Variants in ZNF583 observed in about 807,000 individuals in gnomAD.
ZNF583 encodes zinc finger protein 583.
Under a neutral mutation model 55.3 loss-of-function variants are expected in ZNF583, and 30 were observed. The ratio of observed to expected loss-of-function variants is 0.54; its 90% CI spans 0.41 to 0.74. The LOEUF is 0.74. ZNF583 is among the 30% of genes least tolerant of loss of function. The pLI, the probability that ZNF583 is intolerant of heterozygous loss-of-function variation, is 0.00. For missense variants in ZNF583, 504 were observed against 664.7 expected (o/e 0.76, Z 2.66); for synonymous variants, 208 against 220.0 (o/e 0.95, Z 0.48).
chr19:56,414,646 C>G, intron 4 of ZNF583: 1 of 513,566 alleles, frequency 1.9e-6, no homozygotes, highest in Non-Finnish European at 3.4e-6. Flanking sequence ...TCTTCTCTGA[C>G]AGTAATCTTC....
In ZNF583 at chr19:56,423,320, T is replaced by G; in HGVS notation, c.662T>G (p.Phe221Cys). ...LLKCNDCEKVFNQSSSLTLHQ... is the reference protein window; with the variant it reads ...LLKCNDCEKVCNQSSSLTLHQ... ...AAATGTAATGATTGTGAGAAAGTCT[T>G]CAACCAGAGCTCATCCCTTACTCTT... The change falls in exon 5 of 5, where the codon TTC becomes TGC. Residue 221 changes from phenylalanine to cysteine, a missense_variant. Coordinates refer to ENST00000333201, the MANE Select transcript of ZNF583 (RefSeq NM_152478.3). 1 of 1,612,292 alleles carries G rather than the reference T, an allele frequency of 6.2e-7. No homozygotes were observed. The highest frequency in any genetic ancestry group is 8.5e-7 in the Non-Finnish European group (1 of 1,179,536).
chr19:56,422,004 A>G (rs776842825), intron 4 of ZNF583, among the ~76,000 whole-genome samples: 5 of 152,158 alleles, frequency 3.3e-5, no homozygotes, highest in Non-Finnish European at 5.9e-5. Context: ...ATATCTGTGG[A>G]AAGTGCTTTT....
In ZNF583 at chr19:56,422,941, T is replaced by C. The variant is rs1568815196; in HGVS notation, c.283T>C (p.Tyr95His). 1.2e-6 allele frequency: 2 copies of C among 1,613,174 alleles called. No homozygotes were observed. Among genetic ancestry groups the C allele is most frequent in the South Asian group, 1.1e-5 (1 of 90,884 alleles). Residue 95 changes from tyrosine to histidine, a missense_variant, in exon 5 of 5, where the codon TAT becomes CAT. Tyr to His is a moderately conservative substitution (Grantham distance 83). This residue lies in a region of ZNF583 where 204 missense variants were observed against 235.2 expected (regional missense o/e 0.87). Coordinates refer to ENST00000333201, the MANE Select transcript of ZNF583 (RefSeq NM_152478.3). Reference protein sequence around the residue: ...NSEFSSKQETYEESSKVVTVG... With the variant: ...NSEFSSKQETHEESSKVVTVG... ...TGAATTTTCATCAAAGCAAGAGACATATGAAGAATCATCCAAAGTTGTGAC... is the reference window on the plus strand; with the variant it reads ...TGAATTTTCATCAAAGCAAGAGACACATGAAGAATCATCCAAAGTTGTGAC...
intron 2 of ZNF583, among the ~76,000 whole-genome samples, chr19:56,413,447 G>T (rs2042268730): frequency 6.6e-6 from 1 of 152,136 alleles, no homozygotes; most frequent in South Asian, 2.1e-4. Flanking sequence ...GTCAATATAA[G>T]CATCAAACAT....
chr19:56,417,039 A>T (rs908854372), intron 4 of ZNF583, among the ~76,000 whole-genome samples: 2 of 152,132 alleles, frequency 1.3e-5, no homozygotes, highest in African/African-American at 4.8e-5. Context: ...ATCATCTTGA[A>T]ATTTATCTGT....
rs113724960 is a variant in ZNF583 at position 56,407,391 on chromosome 19, A to T, written c.9+268A>T. Reference sequence around the variant, plus strand: ...AGAAGCTTTCAAGATGCAAAAATACACTCATTGGCATATGTAAACCTTCAT... The same window carrying T: ...AGAAGCTTTCAAGATGCAAAAATACTCTCATTGGCATATGTAAACCTTCAT... On this transcript the variant is annotated intron_variant, in intron 2 of 4. Coordinates refer to ENST00000333201, the MANE Select transcript of ZNF583 (RefSeq NM_152478.3). 4.3e-3 allele frequency among the ~76,000 whole-genome samples: 652 copies of T among 152,318 alleles called. 5 individuals carry two copies. Among genetic ancestry groups the T allele is most frequent in the African/African-American group, 0.015 (626 of 41,562 alleles).
chr19:56,415,730 AT>A (rs2042311277), intron 4 of ZNF583, among the ~76,000 whole-genome samples: 1 of 151,812 alleles, frequency 6.6e-6, no homozygotes, highest in African/African-American at 2.4e-5. Context: ...CGCCCAGCTA[AT>A]TTTTCTGTAT....
intron 4 of ZNF583, among the ~76,000 whole-genome samples, chr19:56,416,325 A>C (rs920342841): frequency 2.2e-4 from 27 of 121,686 alleles, no homozygotes; most frequent in Admixed American, 2.1e-3. Context: ...ACTCCGTCTC[A>C]AAAAAAAAAA....
At chr19:56,417,042 T>G (rs2042337021) in intron 4 of ZNF583, among the ~76,000 whole-genome samples, 1 of 152,208 alleles carries the variant, frequency 6.6e-6, no homozygotes, top group South Asian at 2.1e-4. Context: ...ATCTTGAAAT[T>G]TATCTGTATT....
chr19:56,408,827 A>G (rs1158639123), intron 2 of ZNF583, among the ~76,000 whole-genome samples: 2 of 152,172 alleles, frequency 1.3e-5, no homozygotes. Context: ...TGTCCTAACC[A>G]TGGCCTATAA....
chr19:56,409,683 A>G (rs1424638356), intron 2 of ZNF583, among the ~76,000 whole-genome samples: 1 of 152,206 alleles, frequency 6.6e-6, no homozygotes. Flanking sequence ...TTATATTTAA[A>G]GTATGCCTCT....
At position 56,406,592 on chromosome 19, in the gene ZNF583, G is replaced by A. The variant is rs577586021; in HGVS notation, c.-89-434G>A. 8.8e-5 allele frequency among the ~76,000 whole-genome samples: 13 copies of A among 148,150 alleles called. No individual in the cohort carries two copies. In the South Asian group the frequency reaches 2.8e-3, roughly 32 times the overall value. ...CTGTGGCCCAGACTGGAGTGTGGTG[G>A]CGCGATCTTGGCTCACTGCAAGCTC... On this transcript the variant is annotated intron_variant, in intron 1 of 4. Coordinates refer to ENST00000333201, the MANE Select transcript of ZNF583 (RefSeq NM_152478.3).
At chr19:56,420,219 T>G (rs1250864737) in intron 4 of ZNF583, among the ~76,000 whole-genome samples, 1 of 152,188 alleles carries the variant, frequency 6.6e-6, no homozygotes, top group Non-Finnish European at 1.5e-5. Flanking sequence ...TTCTCAGATG[T>G]TTGGAGTTGA....
chr19:56,421,396 C>A, intron 4 of ZNF583: 1 of 896,104 alleles, frequency 1.1e-6, no homozygotes, highest in Non-Finnish European at 1.3e-6. Flanking sequence ...ACCCATCAGT[C>A]TTCAGAATTT....
In ZNF583 at chr19:56,423,920, C is replaced by T. The variant is rs1378834841; in HGVS notation, c.1262C>T (p.Ala421Val). ...KVCRKAFSQI[A>V]YLDQHQRVHT... ...TGTAGGAAAGCCTTCAGCCAAATTGCATACCTTGATCAACATCAGAGGGTT... is the reference window on the plus strand; with the variant it reads ...TGTAGGAAAGCCTTCAGCCAAATTGTATACCTTGATCAACATCAGAGGGTT... Residue 421 changes from alanine (A) to valine (V), a missense_variant, in exon 5 of 5, where the codon GCA becomes GTA. Coordinates refer to ENST00000333201, the MANE Select transcript of ZNF583 (RefSeq NM_152478.3). The T allele has an allele frequency of 6.2e-7, 1 of 1,613,862 alleles. No individual in the cohort carries two copies. The highest frequency in any genetic ancestry group is 1.3e-5 in the African/African-American group (1 of 74,902).
At chr19:56,419,345 G>A (rs1041325580) in intron 4 of ZNF583, among the ~76,000 whole-genome samples, 9 of 151,840 alleles carry the variant, frequency 5.9e-5, no homozygotes, top group African/African-American at 1.9e-4. Flanking sequence ...ACAGGCATGC[G>A]CCACCATGCC....
Position 56,424,268 on chromosome 19 carries a change from A to G in ZNF583, c.1610A>G (p.His537Arg), listed in dbSNP as rs762788438. The change falls in exon 5 of 5, where the codon CAT (histidine) becomes CGT (arginine). Residue 537 changes from histidine (H) to arginine (R), a missense_variant. Coordinates refer to ENST00000333201, the MANE Select transcript of ZNF583 (RefSeq NM_152478.3). ...TTCAGGCAGCGTGCACATCTTGCTC[A>G]TCATGAGAGAATTCATACTATGGAG... ...KSFRQRAHLA[H>R]HERIHTMESF... The G allele has an allele frequency of 6.2e-7, 1 of 1,614,008 alleles. No homozygotes were observed. Among genetic ancestry groups the G allele is most frequent in the Non-Finnish European group, 8.5e-7 (1 of 1,179,970 alleles).
chr19:56,419,148 T>C (rs558927497), intron 4 of ZNF583, among the ~76,000 whole-genome samples: 3 of 152,240 alleles, frequency 2.0e-5, no homozygotes, highest in African/African-American at 7.2e-5. Flanking sequence ...ACAGTTTTAT[T>C]AAAGATTTTG....
chr19:56,414,102 T>G lies in ZNF583; in HGVS notation c.136+17T>G. The G allele has an allele frequency of 6.4e-7, 1 of 1,569,092 alleles. No individual in the cohort carries two copies. The highest frequency in any genetic ancestry group is 2.2e-5 in the East Asian group (1 of 44,698). On this transcript the variant is annotated intron_variant, in intron 3 of 4. Transcript: ENST00000333201. ...TATCATTGGGTAAGGACATGTCCCCTTAATTCAGAATCTGTACATGGGACT... is the reference window on the plus strand; with the variant it reads ...TATCATTGGGTAAGGACATGTCCCCGTAATTCAGAATCTGTACATGGGACT...
Sources: gnomAD v4.1 joint callset for allele counts (sites outside exome capture counted in the v4.1 genomes callset) on GRCh38, gnomAD v4.1.1 for gene constraint, gnomAD v4.1.1 regional missense constraint, MANE v1.5 for transcripts, NCBI Gene and HGNC (gene_info 2026-07-23, HGNC 2026-07-21) for gene names.